Variants in NDUFA10 observed in about 807,000 individuals in gnomAD.
The protein encoded by NDUFA10 is NADH:ubiquinone oxidoreductase subunit A10, also known as NADH dehydrogenase [ubiquinone] 1 alpha subcomplex subunit 10, mitochondrial.
A neutral mutation model predicts 47.8 loss-of-function variants in NDUFA10; 40 were observed. That is an observed-to-expected ratio of 0.84 (90% CI 0.65 to 1.09). The LOEUF is 1.09. NDUFA10 is among the 50% of genes least tolerant of loss of function. The pLI is 0.00. For synonymous variants in NDUFA10, 183 were observed against 172.2 expected, an observed-to-expected ratio of 1.06 and a Z score of -0.49; for missense variants, 413 against 451.1, an observed-to-expected ratio of 0.92 and a Z score of 0.76.
chr2:240,006,367 G>C (rs1173052043), intron 7 of NDUFA10, among the ~76,000 whole-genome samples: 1 of 152,056 alleles, frequency 6.6e-6, no homozygotes, highest in African/African-American at 2.4e-5. Context: ...GAGAATGCAG[G>C]GCTTCCCTCT....
At chr2:239,927,395 T>G (rs147980156) in intron 4 of NDUFA10, among the ~76,000 whole-genome samples, 63 of 152,260 alleles carry the variant, frequency 4.1e-4, no homozygotes, top group African/African-American at 1.3e-3. Context: ...GAAAGAAAAC[T>G]TTTAACGATA....
chr2:239,982,378 G>T (rs768253757), intron 9 of NDUFA10, among the ~76,000 whole-genome samples: 1 of 152,178 alleles, frequency 6.6e-6, no homozygotes, highest in Admixed American at 6.5e-5. Context: ...TTCTTCTAAC[G>T]TGTAATTATA....
Position 239,982,079 on chromosome 2 carries a change from C to T in NDUFA10, c.999+7995G>A, listed in dbSNP as rs746274828. 3.5e-5 allele frequency: 57 copies of T among 1,610,988 alleles called. 1 individual carries two copies. The highest frequency in any genetic ancestry group is 2.7e-4 in the South Asian group (25 of 91,044). On this transcript the variant is annotated intron_variant, in intron 9 of 9. Transcript: ENST00000252711. ...GTGGAATGTCCTCAAATGCTGTTTG[C>T]TCCCCTGCAGCAAACCAGTGACCTG...
intron 9 of NDUFA10, among the ~76,000 whole-genome samples, chr2:239,979,966 C>T (rs899708321): frequency 6.6e-6 from 1 of 151,966 alleles, no homozygotes; most frequent in African/African-American, 2.4e-5. Context: ...CCGGGGGGTG[C>T]CTGCTCCCCT....
Position 240,003,889 on chromosome 2 carries a change from T to C in NDUFA10, c.890+1321A>G, listed in dbSNP as rs538392218. Among the ~76,000 whole-genome samples, 17 of 152,154 alleles carry C rather than the reference T, an allele frequency of 1.1e-4. No homozygotes were observed. In the Middle Eastern group the frequency reaches 0.01, roughly 91 times the overall value. ...TGGGGATCACCGGTGGGAAGGTCAA[T>C]GCACAGAGACACTGCAAGAGGCAGC... On this transcript the variant is annotated intron_variant, in intron 8 of 9. Transcript: ENST00000252711.
chr2:239,955,702 G>A (rs78355680), downstream of NDUFA10, among the ~76,000 whole-genome samples: 11,677 of 152,250 alleles, frequency 0.077, 533 homozygotes, highest in Admixed American at 0.14. Context: ...ACCAGGGCAG[G>A]AAGGAAAGAT....
chr2:239,934,695 T>C (rs1694235531), intron 4 of NDUFA10, among the ~76,000 whole-genome samples: 1 of 152,156 alleles, frequency 6.6e-6, no homozygotes, highest in South Asian at 2.1e-4. Context: ...CTGGACCTCA[T>C]TCGTCCTGTC....
chr2:239,893,100 C>T (rs924112862), intron 5 of NDUFA10, among the ~76,000 whole-genome samples: 2 of 152,134 alleles, frequency 1.3e-5, no homozygotes, highest in East Asian at 3.9e-4. Flanking sequence ...AGTACCCTGC[C>T]CTGGCAGTAC....
intron 9 of NDUFA10, among the ~76,000 whole-genome samples, chr2:239,988,425 A>G (rs1390449147): frequency 2.0e-5 from 3 of 152,192 alleles, no homozygotes; most frequent in Non-Finnish European, 4.4e-5. Context: ...ACAAATCCAC[A>G]AAGAGTGGCA....
rs1201795845 is a variant in NDUFA10 at position 239,987,343 on chromosome 2, C to T, written c.999+2731G>A. On this transcript the variant is annotated intron_variant, in intron 9 of 9. Transcript: ENST00000252711. This position sits in a 1 kb window ranked among gnomAD's most constrained non-coding sequence, Gnocchi z 4.8. The stretch of plus-strand genomic sequence containing the variant: ...CTGTGCATCGACAGGAGGACTCGCT[C>T]GAATGCGTGTCTGGGCCCCATCCCC... 2.0e-5 allele frequency among the ~76,000 whole-genome samples: 3 copies of T among 151,928 alleles called. No homozygotes were observed. Among genetic ancestry groups the T allele is most frequent in the Admixed American group, 6.6e-5 (1 of 15,254 alleles).
chr2:239,948,735 C>T (rs1053411247), intron 4 of NDUFA10, among the ~76,000 whole-genome samples: 5 of 152,236 alleles, frequency 3.3e-5, no homozygotes, highest in African/African-American at 1.2e-4. Context: ...TCATCTTCCA[C>T]AAATCCAGGC....
chr2:240,016,749 G>A lies in NDUFA10; in HGVS notation c.547+1804C>T, dbSNP rs1315295195. Among the ~76,000 whole-genome samples, 1 of 151,982 alleles carries A rather than the reference G, an allele frequency of 6.6e-6. No individual in the cohort carries two copies. The highest frequency in any genetic ancestry group is 2.4e-5 in the African/African-American group (1 of 41,372). On this transcript the variant is annotated intron_variant, in intron 4 of 9. Transcript: ENST00000252711. The surrounding 1 kb of genome is among the most constrained non-coding windows in gnomAD (Gnocchi z 4.4). ...GCTTTCCCAAGGAAAGCATGCTCAC[G>A]GTCAGTGCTGGACCCCCAACGCCTG...
intron 4 of NDUFA10, among the ~76,000 whole-genome samples, chr2:239,929,177 C>T (rs1180507510): frequency 1.3e-5 from 2 of 152,216 alleles, no homozygotes; most frequent in Non-Finnish European, 2.9e-5. Flanking sequence ...CGAGACGCTG[C>T]CCTGACACTG....
intron 9 of NDUFA10, chr2:239,983,851 A>T: frequency 7.1e-7 from 1 of 1,403,300 alleles, no homozygotes. Context: ...ACCCAATGTC[A>T]TGTGATATTC....
At chr2:240,000,535 GA>G (rs985471062) in intron 8 of NDUFA10, among the ~76,000 whole-genome samples, 2 of 152,046 alleles carry the variant, frequency 1.3e-5, no homozygotes, top group African/African-American at 2.4e-5. Context: ...TCTTACTGAA[GA>G]AAAAAACTTT....
chr2:239,984,385 T>C (rs762312456), intron 9 of NDUFA10, among the ~76,000 whole-genome samples: 3 of 152,252 alleles, frequency 2.0e-5, no homozygotes, highest in Non-Finnish European at 4.4e-5. Flanking sequence ...TCTGTAAATC[T>C]AAAACTGTTC....
At chr2:239,988,107 T>G (rs1016458941) in intron 9 of NDUFA10, among the ~76,000 whole-genome samples, 4 of 152,060 alleles carry the variant, frequency 2.6e-5, no homozygotes, top group African/African-American at 9.7e-5. Context: ...ATCCTAAATA[T>G]TCAGAATAAA....
intron 4 of NDUFA10, among the ~76,000 whole-genome samples, chr2:239,946,953 GGAA>G (rs1694464762): frequency 1.3e-5 from 2 of 152,236 alleles, no homozygotes; most frequent in African/African-American, 2.4e-5. Context: ...CAGGGTTGGC[GGAA>G]GGAGGGAACC....
intron 4 of NDUFA10, among the ~76,000 whole-genome samples, chr2:239,921,718 C>T (rs558222372): frequency 3.3e-5 from 5 of 152,228 alleles, no homozygotes; most frequent in Admixed American, 6.5e-5. Flanking sequence ...CGAGGAGACC[C>T]GGGATGAGGC....
Sources: gnomAD v4.1 joint callset for allele counts (sites outside exome capture counted in the v4.1 genomes callset) on GRCh38, gnomAD v4.1.1 for gene constraint, Gnocchi (gnomAD v3.1) non-coding constraint, MANE v1.5 for transcripts, NCBI Gene and HGNC (gene_info 2026-07-23, HGNC 2026-07-21) for gene names.